Variants in SPIRE1 observed in about 807,000 individuals in gnomAD.
SPIRE1 encodes the protein spire type actin nucleation factor 1, also known as protein spire homolog 1.
Under a neutral mutation model 94.1 loss-of-function variants are expected in SPIRE1, and 40 were observed. The ratio of observed to expected loss-of-function variants is 0.43; its 90% CI spans 0.33 to 0.55. The LOEUF is 0.55. Ranked by LOEUF, SPIRE1 falls within the 20% of genes least tolerant of loss-of-function variation. SPIRE1 has a pLI of 0.06. For missense variants in SPIRE1, 838 were observed against 975.2 expected, an observed-to-expected ratio of 0.86 and a Z score of 1.87; for synonymous variants, 376 against 371.7, an observed-to-expected ratio of 1.01 and a Z score of -0.13.
intron 2 of SPIRE1, among the ~76,000 whole-genome samples, chr18:12,574,410 C>T (rs1357999538): frequency 1.3e-5 from 2 of 151,914 alleles, no homozygotes; most frequent in African/African-American, 4.8e-5. Context: ...TAGAGAAAGT[C>T]TTTAGGAGGT....
At chr18:12,617,657 A>C (rs1283916770) in intron 2 of SPIRE1, among the ~76,000 whole-genome samples, 2 of 151,600 alleles carry the variant, frequency 1.3e-5, no homozygotes, top group African/African-American at 2.4e-5. Context: ...GTGATCCACC[A>C]CCTCGGCCTC....
In SPIRE1 at chr18:12,546,766, C is replaced by G. The variant is rs762194492; in HGVS notation, c.511G>C (p.Asp171His). The change falls in exon 3 of 17, where the codon GAT becomes CAT. Residue 171 changes from aspartate to histidine, a missense_variant. By Grantham distance (81) the Asp-to-His change is moderately conservative (BLOSUM62 -1). Around this residue, in one of 2 missense-constraint regions of SPIRE1, gnomAD observed 645 missense variants for 804.7 expected, o/e 0.80. Transcript: ENST00000409402. ...TCTTCTGCAGCCTCATAGCCCTCATCATTGCTACCGTCAGCTTCCACCGTG... is the reference window on the plus strand; with the variant it reads ...TCTTCTGCAGCCTCATAGCCCTCATGATTGCTACCGTCAGCTTCCACCGTG... ...ANTVEADGSNDEGYEAAEEGL... is the reference protein window; with the variant it reads ...ANTVEADGSNHEGYEAAEEGL... The G allele has an allele frequency of 5.6e-6, 9 of 1,614,006 alleles. No individual in the cohort carries two copies. The highest frequency in any genetic ancestry group is 2.2e-5 in the East Asian group (1 of 44,888).
At chr18:12,576,570 A>C (rs1399948462) in intron 2 of SPIRE1, among the ~76,000 whole-genome samples, 1 of 120,804 alleles carries the variant, frequency 8.3e-6, no homozygotes, top group Non-Finnish European at 1.6e-5. Flanking sequence ...CATCAGAAGG[A>C]GACTCCATCT....
intron 12 of SPIRE1, among the ~76,000 whole-genome samples, chr18:12,458,701 G>A (rs971189007): frequency 2.0e-5 from 3 of 152,158 alleles, no homozygotes; most frequent in Non-Finnish European, 4.4e-5. Flanking sequence ...AGATATCTCT[G>A]TTTGGGGAGA....
chr18:12,504,222 C>T lies in SPIRE1; in HGVS notation c.972+2255G>A, dbSNP rs910238953. Among the ~76,000 whole-genome samples the T allele has an allele frequency of 2.0e-5, 3 of 147,512 alleles. 1 individual carries two copies. Among genetic ancestry groups the T allele is most frequent in the Non-Finnish European group, 4.5e-5 (3 of 66,576 alleles). Reference sequence around the variant, plus strand: ...ACCAATTTACTATAAAACCAAGTGACGTGGCTGGGCATGGTGGCTCACGCC... The same window carrying T: ...ACCAATTTACTATAAAACCAAGTGATGTGGCTGGGCATGGTGGCTCACGCC... On this transcript the variant is annotated intron_variant, in intron 6 of 16. Transcript: ENST00000409402.
intron 2 of SPIRE1, among the ~76,000 whole-genome samples, chr18:12,624,411 C>T (rs952404630): frequency 6.7e-6 from 1 of 148,514 alleles, no homozygotes; most frequent in Admixed American, 6.7e-5. Flanking sequence ...GGCGTGGTGG[C>T]GTGTGCCTGT....
chr18:12,553,978 A>G lies in SPIRE1; in HGVS notation c.373-7074T>C, dbSNP rs185608701. On this transcript the variant is annotated intron_variant, in intron 2 of 16. Coordinates refer to ENST00000409402, the MANE Select transcript of SPIRE1 (RefSeq NM_001128626.2). The stretch of plus-strand genomic sequence containing the variant: ...AAAAAAAGACAAAAGACCTAAATAA[A>G]CAAAATCAAAGACGTAAAAGGAGAC... 4.6e-5 allele frequency among the ~76,000 whole-genome samples: 7 copies of G among 152,262 alleles called. No individual in the cohort carries two copies. In the East Asian group the frequency reaches 1.4e-3, roughly 29 times the overall value.
chr18:12,493,973 T>C (rs1369295516), intron 7 of SPIRE1, among the ~76,000 whole-genome samples: 1 of 152,174 alleles, frequency 6.6e-6, no homozygotes, highest in African/African-American at 2.4e-5. Context: ...GGCACGATCA[T>C]GGCTCACTGT....
chr18:12,471,941 C>A (rs2032377080), intron 10 of SPIRE1, among the ~76,000 whole-genome samples: 1 of 151,760 alleles, frequency 6.6e-6, no homozygotes, highest in African/African-American at 2.4e-5. Context: ...TGCACCACCA[C>A]ACCGGGCTAA....
chr18:12,544,373 A>ATT (rs71371276), intron 3 of SPIRE1, among the ~76,000 whole-genome samples: 12 of 146,308 alleles, frequency 8.2e-5, no homozygotes, highest in Middle Eastern at 3.5e-3. Context: ...TTAATTTTGT[A>ATT]TTTTTTTTTT....
chr18:12,621,516 A>G (rs2037467447), intron 2 of SPIRE1, among the ~76,000 whole-genome samples: 1 of 152,258 alleles, frequency 6.6e-6, no homozygotes, highest in African/African-American at 2.4e-5. Context: ...CAGTATATCC[A>G]TACTATGGAA....
chr18:12,549,305 A>G (rs2035266954), intron 2 of SPIRE1, among the ~76,000 whole-genome samples: 1 of 152,164 alleles, frequency 6.6e-6, no homozygotes, highest in Non-Finnish European at 1.5e-5. Flanking sequence ...TTTAAGGCTG[A>G]GAAGGTCTTG....
Position 12,454,431 on chromosome 18 carries a change from A to C in SPIRE1, c.1691T>G (p.Met564Arg). 6 of 1,614,050 alleles carry C rather than the reference A, an allele frequency of 3.7e-6. No individual in the cohort carries two copies. Among genetic ancestry groups the C allele is most frequent in the Non-Finnish European group, 3.4e-6 (4 of 1,179,896 alleles). ...ECLALTVEEV[M>R]HIRQVLVKAE... ...CTTCACCAGGACCTGGCGAATATGC[A>C]TCACTTCTTCCACAGTAAGAGCGAG... The change falls in exon 13 of 17, where the codon ATG becomes AGG. Residue 564 changes from methionine to arginine, a missense_variant. Transcript: ENST00000409402.
At chr18:12,639,687 C>T (rs962809670) in intron 1 of SPIRE1, among the ~76,000 whole-genome samples, 4 of 151,860 alleles carry the variant, frequency 2.6e-5, no homozygotes, top group East Asian at 1.9e-4. Context: ...GCAGAGATCA[C>T]GCCACTGCAC....
chr18:12,619,666 T>C (rs1157775294), intron 2 of SPIRE1, among the ~76,000 whole-genome samples: 1 of 151,274 alleles, frequency 6.6e-6, no homozygotes, highest in Non-Finnish European at 1.5e-5. Context: ...GCCAACACAG[T>C]GAAACCCTGT....
chr18:12,631,408 C>G (rs2037770237), intron 2 of SPIRE1, among the ~76,000 whole-genome samples: 1 of 151,790 alleles, frequency 6.6e-6, no homozygotes, highest in South Asian at 2.1e-4. Context: ...CTTTTAATGT[C>G]AGGCTCAATG....
chr18:12,637,358 C>CAAA (rs55649398), intron 1 of SPIRE1, among the ~76,000 whole-genome samples: 53 of 101,816 alleles, frequency 5.2e-4, no homozygotes, highest in South Asian at 9.5e-4. Context: ...GACTCTGTCT[C>CAAA]AAAAAAAAAA....
At chr18:12,629,803 A>C (rs2037726732) in intron 2 of SPIRE1, among the ~76,000 whole-genome samples, 2 of 152,366 alleles carry the variant, frequency 1.3e-5, no homozygotes, top group African/African-American at 4.8e-5. Context: ...GGAAAAATTA[A>C]ATTGCCTATT....
chr18:12,619,437 G>A (rs2144731536), intron 2 of SPIRE1, among the ~76,000 whole-genome samples: 1 of 152,254 alleles, frequency 6.6e-6, no homozygotes, highest in East Asian at 1.9e-4. Flanking sequence ...GAACCTGGGA[G>A]GCAGAGCTTG....
Sources: gnomAD v4.1 joint callset for allele counts (sites outside exome capture counted in the v4.1 genomes callset) on GRCh38, gnomAD v4.1.1 for gene constraint, gnomAD v4.1.1 regional missense constraint, MANE v1.5 for transcripts, NCBI Gene and HGNC (gene_info 2026-07-23, HGNC 2026-07-21) for gene names.